The following REV3L variants were observed in gnomAD, a reference collection of about 807,000 sequenced individuals.
REV3L encodes the protein REV3 like, DNA directed polymerase zeta catalytic subunit.
Under a neutral mutation model 299.4 loss-of-function variants are expected in REV3L, and 69 were observed. The ratio of observed to expected loss-of-function variants is 0.23; its 90% CI spans 0.19 to 0.28. The LOEUF is 0.28. Among genes scored for constraint, REV3L ranks in the 10% least tolerant of loss-of-function variants. REV3L has a pLI of 1.00. For synonymous variants in REV3L, 1,238 were observed against 1,271.4 expected, an observed-to-expected ratio of 0.97 and a Z score of 0.56; for missense variants, 3,128 against 3,693.8, an observed-to-expected ratio of 0.85 and a Z score of 3.97.
At chr6:111,420,712 A>G (rs1269479984) in intron 1 of REV3L, among the ~76,000 whole-genome samples, 2 of 152,250 alleles carry the variant, frequency 1.3e-5, no homozygotes, top group East Asian at 3.8e-4. Context: ...CCAAAACTTG[A>G]CACCATGGCA....
At chr6:111,318,995 G>C (rs1409813187) in intron 26 of REV3L, among the ~76,000 whole-genome samples, 2 of 152,170 alleles carry the variant, frequency 1.3e-5, no homozygotes, top group Non-Finnish European at 2.9e-5. Flanking sequence ...ACTGTAAAGG[G>C]AGAATAAGAT....
At chr6:111,386,866 T>G (rs1264626561) in intron 9 of REV3L, among the ~76,000 whole-genome samples, 1 of 151,664 alleles carries the variant, frequency 6.6e-6, no homozygotes, top group Non-Finnish European at 1.5e-5. Context: ...GGATTACAGG[T>G]GTGCGCCACC....
rs1040943151 is a variant in REV3L at position 111,377,681 on chromosome 6, C to T, written c.1597+20G>A. ...TAGATCGTGAATAACCAATTTCTCA[C>T]AGTAGACTTGTTTACTTACCACTAT... On this transcript the variant is annotated intron_variant, in intron 12 of 31. Transcript: ENST00000368802. 1.2e-6 allele frequency: 2 copies of T among 1,604,852 alleles called. No homozygotes were observed. Among genetic ancestry groups the T allele is most frequent in the East Asian group, 2.2e-5 (1 of 44,668 alleles).
At position 111,315,394 on chromosome 6, in the gene REV3L, A is replaced by G. The variant is rs779760018; in HGVS notation, c.8352-13T>C. On this transcript the variant is annotated splice_polypyrimidine_tract_variant and intron_variant, in intron 26 of 31. Transcript: ENST00000368802. ...TAGCACAAACATACTAAGGGGATTAAAAATAAAGTAAGGTAATGAGGAAGT... is the reference window on the plus strand; with the variant it reads ...TAGCACAAACATACTAAGGGGATTAGAAATAAAGTAAGGTAATGAGGAAGT... 1 of 1,601,488 alleles carries G rather than the reference A, an allele frequency of 6.2e-7. No homozygotes were observed. Among genetic ancestry groups the G allele is most frequent in the Non-Finnish European group, 8.5e-7 (1 of 1,170,280 alleles).
chr6:111,347,562 G>A (rs1777155588), intron 20 of REV3L, among the ~76,000 whole-genome samples: 3 of 152,164 alleles, frequency 2.0e-5, no homozygotes, highest in African/African-American at 2.4e-5. Context: ...TGTCTAATGA[G>A]AAAGTAGTTT....
chr6:111,482,659 G>T, intron 1 of REV3L, 91 bp downstream of exon 1: 1 of 794,382 alleles, frequency 1.3e-6, no homozygotes, highest in Non-Finnish European at 1.6e-6. Context: ...GACGGCCGGC[G>T]CCGGTGGCGT....
At chr6:111,438,605 T>C (rs571768428) in intron 1 of REV3L, among the ~76,000 whole-genome samples, 1 of 151,646 alleles carries the variant, frequency 6.6e-6, no homozygotes, top group East Asian at 1.9e-4. Context: ...TAAAACTAAA[T>C]GACAAAAAAA....
At chr6:111,317,597 T>C (rs1277583252) in intron 26 of REV3L, among the ~76,000 whole-genome samples, 1 of 152,166 alleles carries the variant, frequency 6.6e-6, no homozygotes, top group Non-Finnish European at 1.5e-5. Context: ...TTCACAATAA[T>C]TTTTCAGTCT....
intron 1 of REV3L, among the ~76,000 whole-genome samples, chr6:111,467,847 G>A (rs926489086): frequency 6.6e-6 from 1 of 152,312 alleles, no homozygotes; most frequent in African/African-American, 2.4e-5. Flanking sequence ...ACAGAGGGAA[G>A]ACTGTACGTA....
chr6:111,412,301 A>T (rs893314791), intron 2 of REV3L: 5 of 983,162 alleles, frequency 5.1e-6, no homozygotes, highest in African/African-American at 1.7e-5. Context: ...ATCAGCTGGA[A>T]TGAGGAAAGG....
At chr6:111,348,400 C>T (rs960750946) in intron 20 of REV3L, among the ~76,000 whole-genome samples, 1 of 152,150 alleles carries the variant, frequency 6.6e-6, no homozygotes, top group African/African-American at 2.4e-5. Flanking sequence ...AATTACTCTA[C>T]TAAAAAATCC....
intron 3 of REV3L, among the ~76,000 whole-genome samples, chr6:111,410,878 GCT>G (rs1434490338): frequency 7.2e-5 from 11 of 152,100 alleles, no homozygotes; most frequent in African/African-American, 2.7e-4. Flanking sequence ...TTTTACCCTA[GCT>G]TCCCACTATA....
chr6:111,483,203 A>G lies in REV3L; in HGVS notation c.-315T>C. 2.1e-6 allele frequency: 1 copy of G among 470,706 alleles called. No individual in the cohort carries two copies. 29.2% of individuals were successfully genotyped at this position (470,706 alleles called of 1,614,324 possible). A position where few individuals can be genotyped will look rare whatever the true frequency, so the allele number is the denominator to read the frequency against. On this transcript the variant is annotated 5_prime_UTR_variant, in exon 1 of 32. An upstream start codon of the reference 5' UTR is lost. Coordinates refer to ENST00000368802, the MANE Select transcript of REV3L (RefSeq NM_001372078.1). ...GTCCCAGGCTGCAGCTCTTGTTGCC[A>G]TGATGATGATGTCACGGACGCAACC... is the stretch of plus-strand genomic sequence containing the variant.
chr6:111,355,398 C>T (rs1403982043), intron 18 of REV3L, among the ~76,000 whole-genome samples: 1 of 152,046 alleles, frequency 6.6e-6, no homozygotes, highest in East Asian at 1.9e-4. Context: ...TGGCTGACTC[C>T]AAAGGCTGTG....
chr6:111,315,905 A>G (rs977754221), intron 26 of REV3L, among the ~76,000 whole-genome samples: 1 of 152,168 alleles, frequency 6.6e-6, no homozygotes, highest in Non-Finnish European at 1.5e-5. Context: ...CTGCGGAAAA[A>G]TTGTCTTCCA....
rs561735200 is a variant in REV3L at position 111,467,071 on chromosome 6, C to T, written c.139+15679G>A. On this transcript the variant is annotated intron_variant, in intron 1 of 31. Transcript: ENST00000368802. The stretch of plus-strand genomic sequence containing the variant: ...GGTAAAAAACTGGCTTTCTGCCATG[C>T]CCCACTAATCACTTAAGGATTCCTA... Among the ~76,000 whole-genome samples the T allele has an allele frequency of 2.2e-3, 332 of 152,254 alleles. 1 individual carries two copies. Among genetic ancestry groups the T allele is most frequent in the African/African-American group, 7.5e-3 (313 of 41,542 alleles).
intron 5 of REV3L, among the ~76,000 whole-genome samples, chr6:111,392,097 T>C (rs1403355097): frequency 6.6e-6 from 1 of 152,246 alleles, no homozygotes; most frequent in East Asian, 1.9e-4. Flanking sequence ...TAAAAAAGTT[T>C]TATAATTTGA....
intron 9 of REV3L, among the ~76,000 whole-genome samples, chr6:111,386,764 C>T (rs962424133): frequency 7.0e-6 from 1 of 142,946 alleles, no homozygotes; most frequent in African/African-American, 2.6e-5. Context: ...CTCTGTTGCC[C>T]AGGCTGGAAT....
intron 3 of REV3L, among the ~76,000 whole-genome samples, chr6:111,410,790 G>A (rs140422687): frequency 6.6e-6 from 1 of 152,176 alleles, no homozygotes; most frequent in East Asian, 1.9e-4. Context: ...TTACAAAAAA[G>A]TTACTTTTTG....
Sources: allele counts gnomAD v4.1 joint callset (sites outside exome capture counted in the v4.1 genomes callset), GRCh38; gene constraint gnomAD v4.1.1; transcripts MANE v1.5; gene names NCBI Gene and HGNC (gene_info 2026-07-23, HGNC 2026-07-21).